Variants in SYCP2 observed in about 807,000 individuals in gnomAD.
SYCP2 encodes synaptonemal complex protein 2.
In SYCP2, 55 loss-of-function variants were observed where a neutral mutation model predicts 211.3. That is an observed-to-expected ratio of 0.26 (90% confidence interval 0.21 to 0.33). The LOEUF is 0.33. Ranked by LOEUF, SYCP2 falls within the 10% of genes least tolerant of loss-of-function variation. The pLI is 1.00. For missense variants in SYCP2, 1,731 were observed against 1,752.0 expected (o/e 0.99, Z 0.21); for synonymous variants, 570 against 555.2 (o/e 1.03, Z -0.37).
intron 14 of SYCP2, among the ~76,000 whole-genome samples, chr20:59,908,683 G>A (rs140604557): frequency 6.6e-6 from 1 of 152,134 alleles, no homozygotes; most frequent in East Asian, 1.9e-4. Context: ...AGAAATCATA[G>A]TATTATAAAC....
intron 24 of SYCP2, among the ~76,000 whole-genome samples, chr20:59,887,533 A>T (rs951883524): frequency 3.9e-5 from 6 of 152,148 alleles, no homozygotes; most frequent in Non-Finnish European, 5.9e-5. Flanking sequence ...TGGCTGGGTC[A>T]AATGGTATTT....
intron 44 of SYCP2, 67 bp downstream of exon 44, chr20:59,865,321 C>A: frequency 2.3e-6 from 3 of 1,289,334 alleles, no homozygotes; most frequent in Non-Finnish European, 3.3e-6. Context: ...AAAGCACACA[C>A]ACAAAAAAAT....
At chr20:59,913,000 T>C (rs947961246) in intron 12 of SYCP2, among the ~76,000 whole-genome samples, 8 of 152,242 alleles carry the variant, frequency 5.3e-5, no homozygotes, top group Admixed American at 6.5e-5. Flanking sequence ...CTTTTTTAAA[T>C]GTCTCAGTCT....
chr20:59,889,353 T>C (rs998298305), intron 24 of SYCP2, among the ~76,000 whole-genome samples: 5 of 152,024 alleles, frequency 3.3e-5, no homozygotes, highest in Admixed American at 6.6e-5. Context: ...CTGTATACTT[T>C]CTACTCATTT....
chr20:59,863,895 G>A lies in SYCP2; in HGVS notation c.*416C>T, dbSNP rs1413442660. 6.6e-6 allele frequency: 1 copy of A among 152,050 alleles called. No individual in the cohort carries two copies. The highest frequency in any genetic ancestry group is 1.5e-5 in the Non-Finnish European group (1 of 68,104). The allele number at this position is 152,050 out of a possible 1,614,324, so 9.4% of individuals were successfully genotyped here. ...GGGACTTCCTCCCCCTTGTAAGTGT[G>A]GCTAAATTTTTATTAGTTGAATTCT... On this transcript the variant is annotated 3_prime_UTR_variant, in exon 45 of 45. Transcript: ENST00000357552.
At position 59,867,701 on chromosome 20, in the gene SYCP2, A is replaced by G; in HGVS notation, c.4125+10T>C. ...ATTGGGTATAAATCATAATTTAAAG[A>G]ATAACTCACATTATTCCTTCTCTTA... On this transcript the variant is annotated intron_variant, in intron 39 of 44. Transcript: ENST00000357552. 1.9e-6 allele frequency: 3 copies of G among 1,599,866 alleles called. No individual in the cohort carries two copies. Among genetic ancestry groups the G allele is most frequent in the Non-Finnish European group, 2.6e-6 (3 of 1,169,026 alleles).
chr20:59,866,111 A>G (rs1407131563), intron 41 of SYCP2, among the ~76,000 whole-genome samples, 182 bp downstream of exon 41: 1 of 151,902 alleles, frequency 6.6e-6, no homozygotes, highest in Non-Finnish European at 1.5e-5. Flanking sequence ...GATATTCATC[A>G]TAAATTTAAG....
intron 2 of SYCP2, among the ~76,000 whole-genome samples, chr20:59,922,933 C>T (rs1210182776): frequency 6.6e-6 from 1 of 151,870 alleles, no homozygotes; most frequent in Non-Finnish European, 1.5e-5. Flanking sequence ...GAAAAGATAA[C>T]TCAAATGCAT....
chr20:59,916,332 G>A (rs2060441966), intron 8 of SYCP2, among the ~76,000 whole-genome samples, 154 bp downstream of exon 8: 1 of 152,072 alleles, frequency 6.6e-6, no homozygotes, highest in African/African-American at 2.4e-5. Context: ...TTTTCAGTAA[G>A]TATTTCGGAA....
intron 24 of SYCP2, among the ~76,000 whole-genome samples, chr20:59,889,762 C>G (rs1034939379): frequency 6.6e-6 from 1 of 151,964 alleles, no homozygotes; most frequent in African/African-American, 2.4e-5. Flanking sequence ...TGGAGCCAGC[C>G]TGGGAAATCT....
Position 59,914,040 on chromosome 20 carries a change from A to G in SYCP2, c.778-13T>C, listed in dbSNP as rs1318079385. 6.3e-7 allele frequency: 1 copy of G among 1,586,558 alleles called. No individual in the cohort carries two copies. The highest frequency in any genetic ancestry group is 8.6e-7 in the Non-Finnish European group (1 of 1,165,708). ...ATATCCTGCAATCCTAATTTTAAAG[A>G]GAAATACTTTTAAAAATCATAATAA... On this transcript the variant is annotated splice_polypyrimidine_tract_variant and intron_variant, in intron 11 of 44. Coordinates refer to ENST00000357552, the MANE Select transcript of SYCP2 (RefSeq NM_014258.4).
intron 21 of SYCP2, 141 bp from the exon 22 acceptor site, chr20:59,893,340 A>G: frequency 1.3e-6 from 1 of 756,418 alleles, no homozygotes; most frequent in Non-Finnish European, 2.1e-6. Flanking sequence ...TCTTAAACCC[A>G]AACTTCTGGG....
chr20:59,911,863 CA>C lies in SYCP2; in HGVS notation c.877-19del. ...ATTTGCAGCTAATAAAATAAACATA[CA>C]AAACTGGAATATACAATGATTTTAG... On this transcript the variant is annotated intron_variant, in intron 13 of 44. Transcript: ENST00000357552. 7.6e-7 allele frequency: 1 copy of C among 1,321,200 alleles called. No homozygotes were observed. 81.8% of individuals were successfully genotyped at this position (1,321,200 alleles called of 1,614,324 possible).
intron 19 of SYCP2, among the ~76,000 whole-genome samples, chr20:59,896,153 G>A (rs2060003529): frequency 6.6e-6 from 1 of 152,008 alleles, no homozygotes; most frequent in South Asian, 2.1e-4. Context: ...AGTCCACCTG[G>A]CCTGGTTAAT....
intron 14 of SYCP2, among the ~76,000 whole-genome samples, chr20:59,909,985 G>C (rs1285540083): frequency 6.6e-6 from 1 of 152,098 alleles, no homozygotes; most frequent in Non-Finnish European, 1.5e-5. Context: ...CTATGCAGAA[G>C]AACTAAGAAA....
chr20:59,932,451 G>C (rs112681307), intron 1 of SYCP2, among the ~76,000 whole-genome samples: 1 of 152,118 alleles, frequency 6.6e-6, no homozygotes, highest in African/African-American at 2.4e-5. Context: ...CGAGGCAGGT[G>C]GATCACCTGA....
intron 6 of SYCP2, 73 bp from the exon 7 acceptor site, chr20:59,919,255 T>C: frequency 1.2e-6 from 1 of 808,280 alleles, no homozygotes; most frequent in Non-Finnish European, 2.0e-6. Flanking sequence ...TATAAACCAT[T>C]ACAAATGGTA....
In SYCP2 at chr20:59,903,471, T is replaced by C. The variant is rs541534434; in HGVS notation, c.1034-1661A>G. Among the ~76,000 whole-genome samples, 109 of 152,032 alleles carry C rather than the reference T, an allele frequency of 7.2e-4. 1 individual carries two copies. The highest frequency in any genetic ancestry group is 3.2e-3 in the Middle Eastern group (1 of 316). Reference sequence around the variant, plus strand: ...TTTATGATGTAGACATTTGAGCCCATTGATATACTGAGAGAAAAGAGGTAC... The same window carrying C: ...TTTATGATGTAGACATTTGAGCCCACTGATATACTGAGAGAAAAGAGGTAC... On this transcript the variant is annotated intron_variant, in intron 15 of 44. Coordinates refer to ENST00000357552, the MANE Select transcript of SYCP2 (RefSeq NM_014258.4).
At chr20:59,878,574 T>C (rs960455010) in intron 31 of SYCP2, among the ~76,000 whole-genome samples, 1 of 152,144 alleles carries the variant, frequency 6.6e-6, no homozygotes, top group South Asian at 2.1e-4. Context: ...TACTTACGTA[T>C]GCTCTCTTAT....
Sources: gnomAD v4.1 joint callset for allele counts (sites outside exome capture counted in the v4.1 genomes callset) on GRCh38, gnomAD v4.1.1 for gene constraint, MANE v1.5 for transcripts, NCBI Gene and HGNC (gene_info 2026-07-23, HGNC 2026-07-21) for gene names.